Variants in SPOCK1 observed in about 807,000 individuals in gnomAD.
SPOCK1 encodes the protein testican-1.
In SPOCK1, 23 loss-of-function variants were observed where a neutral mutation model predicts 55.3. The ratio of observed to expected loss-of-function variants is 0.42; its 90% CI spans 0.30 to 0.59. The LOEUF (loss-of-function observed/expected upper bound fraction) is 0.59. SPOCK1 is among the 20% of genes least tolerant of loss of function. The pLI is 0.22. For synonymous variants in SPOCK1, 226 were observed against 221.0 expected (o/e 1.02, Z -0.20); for missense variants, 499 against 552.5 (o/e 0.90, Z 0.97).
At chr5:137,403,720 G>T (rs1390442934) in intron 2 of SPOCK1, among the ~76,000 whole-genome samples, 1 of 151,912 alleles carries the variant, frequency 6.6e-6, no homozygotes, top group African/African-American at 2.4e-5. Context: ...CTAAGGTCTG[G>T]CTTGTTCAAA....
At chr5:137,487,349 A>G (rs1031120824) in intron 2 of SPOCK1, among the ~76,000 whole-genome samples, 3 of 151,722 alleles carry the variant, frequency 2.0e-5, no homozygotes, top group African/African-American at 7.3e-5. Context: ...AAAAAAAAAA[A>G]AAAAACCTCT....
At chr5:137,219,749 T>G (rs1414685647) in intron 3 of SPOCK1, among the ~76,000 whole-genome samples, 2 of 152,200 alleles carry the variant, frequency 1.3e-5, no homozygotes, top group Non-Finnish European at 2.9e-5. Context: ...CTGTGTTGAG[T>G]GCTTAGGAAG....
intron 2 of SPOCK1, among the ~76,000 whole-genome samples, chr5:137,279,992 G>T (rs1757137574): frequency 6.6e-6 from 1 of 152,192 alleles, no homozygotes; most frequent in Non-Finnish European, 1.5e-5. Context: ...CTGAAGGTGA[G>T]CTCATAGGGC....
chr5:137,382,673 G>A (rs1345843360), intron 2 of SPOCK1, among the ~76,000 whole-genome samples: 2 of 152,138 alleles, frequency 1.3e-5, no homozygotes, highest in African/African-American at 2.4e-5. Context: ...CAGATCTTAT[G>A]AGAACTCATT....
At chr5:137,011,409 C>T (rs1580706534) in intron 6 of SPOCK1, among the ~76,000 whole-genome samples, 1 of 152,082 alleles carries the variant, frequency 6.6e-6, no homozygotes, top group Admixed American at 6.6e-5. Flanking sequence ...TACCCCATAA[C>T]GTGCCTTGAG....
chr5:136,997,976 G>C (rs1188448387), intron 6 of SPOCK1, among the ~76,000 whole-genome samples: 1 of 152,114 alleles, frequency 6.6e-6, no homozygotes, highest in Non-Finnish European at 1.5e-5. Flanking sequence ...CCCTTTTACT[G>C]CCTTTTGTAA....
At chr5:137,287,423 A>T (rs546556802) in intron 2 of SPOCK1, among the ~76,000 whole-genome samples, 1 of 152,332 alleles carries the variant, frequency 6.6e-6, no homozygotes, top group East Asian at 1.9e-4. Context: ...AATGCTGGCA[A>T]AGGGTCCTTA....
chr5:137,087,166 CT>C (rs1045261441), intron 5 of SPOCK1, among the ~76,000 whole-genome samples: 34 of 152,184 alleles, frequency 2.2e-4, no homozygotes, highest in Non-Finnish European at 4.1e-4. Flanking sequence ...CAGGCACAGT[CT>C]TTTTTTCTTT....
intron 2 of SPOCK1, among the ~76,000 whole-genome samples, chr5:137,326,167 T>C (rs1758073349): frequency 1.3e-5 from 2 of 151,716 alleles, no homozygotes. Context: ...AAAAGGCAGC[T>C]CCCATTCAGT....
Position 137,495,148 on chromosome 5 carries a change from T to C in SPOCK1, c.186+3225A>G, listed in dbSNP as rs189371418. On this transcript the variant is annotated intron_variant, in intron 2 of 10. Transcript: ENST00000394945. The stretch of plus-strand genomic sequence containing the variant: ...AATCATCTGAGCATTGTTCTATTTG[T>C]CCTGGATCTGTAACTCCAGGGAATA... Among the ~76,000 whole-genome samples the C allele has an allele frequency of 9.8e-5, 15 of 152,336 alleles. No homozygotes were observed. The East Asian group carries it at 2.1e-3, about 22-fold the overall frequency.
At chr5:137,167,424 C>CA (rs150523632) in intron 3 of SPOCK1, among the ~76,000 whole-genome samples, 27,142 of 150,094 alleles carry the variant, frequency 0.18, 3,210 homozygotes, top group East Asian at 0.38. Flanking sequence ...AGAAAATTAA[C>CA]AAAAAAAAAC....
intron 2 of SPOCK1, among the ~76,000 whole-genome samples, chr5:137,359,665 T>A (rs1750898067): frequency 6.6e-6 from 1 of 152,236 alleles, no homozygotes; most frequent in Admixed American, 6.5e-5. Flanking sequence ...TCATTTTTAC[T>A]TTTTTATAAA....
chr5:137,441,687 C>T (rs1416687557), intron 2 of SPOCK1, among the ~76,000 whole-genome samples: 1 of 152,138 alleles, frequency 6.6e-6, no homozygotes, highest in Non-Finnish European at 1.5e-5. Context: ...GATGGCAACA[C>T]CAATCCATTG....
At chr5:137,077,813 A>G (rs1414555154) in intron 5 of SPOCK1, among the ~76,000 whole-genome samples, 6 of 152,196 alleles carry the variant, frequency 3.9e-5, no homozygotes, top group Non-Finnish European at 7.3e-5. Context: ...GCAAGCTCCT[A>G]GAGAGAGCTG....
chr5:136,985,277 T>C, intron 8 of SPOCK1, 75 bp from the exon 9 acceptor site: 1 of 1,363,618 alleles, frequency 7.3e-7, no homozygotes, highest in Non-Finnish European at 1.0e-6. Context: ...TCACTCTTGA[T>C]GTGAAATGTA....
At chr5:137,493,167 T>C (rs187136436) in intron 2 of SPOCK1, among the ~76,000 whole-genome samples, 19 of 152,336 alleles carry the variant, frequency 1.2e-4, no homozygotes, top group Admixed American at 1.1e-3. Flanking sequence ...ACAGGAAAGG[T>C]AAAATGAGTC....
At chr5:137,395,627 A>G (rs1751827955) in intron 2 of SPOCK1, among the ~76,000 whole-genome samples, 1 of 152,194 alleles carries the variant, frequency 6.6e-6, no homozygotes, top group Non-Finnish European at 1.5e-5. Flanking sequence ...CAGCTGCTAC[A>G]TTATGTGTGC....
At chr5:137,174,932 G>A (rs1480356300) in intron 3 of SPOCK1, among the ~76,000 whole-genome samples, 2 of 152,176 alleles carry the variant, frequency 1.3e-5, no homozygotes, top group South Asian at 4.1e-4. Flanking sequence ...CCTTGCTAGA[G>A]GCCAAGGCCA....
intron 6 of SPOCK1, among the ~76,000 whole-genome samples, chr5:137,040,974 A>G (rs1319877162): frequency 6.6e-6 from 1 of 152,240 alleles, no homozygotes; most frequent in Non-Finnish European, 1.5e-5. Flanking sequence ...TACATGTATC[A>G]GGCAAAAAGG....
Sources: gnomAD v4.1 joint callset for allele counts (sites outside exome capture counted in the v4.1 genomes callset) on GRCh38, gnomAD v4.1.1 for gene constraint, MANE v1.5 for transcripts, NCBI Gene and HGNC (gene_info 2026-07-23, HGNC 2026-07-21) for gene names.